The following LARGE1 variants were observed in gnomAD, a reference collection of about 807,000 sequenced individuals.
LARGE1 encodes the protein xylosyl- and glucuronyltransferase LARGE1.
A neutral mutation model predicts 87.6 loss-of-function variants in LARGE1; 43 were observed. That is an observed-to-expected ratio of 0.49 (90% CI 0.38 to 0.63). The LOEUF is 0.63. Ranked by LOEUF, LARGE1 falls within the 30% of genes least tolerant of loss-of-function variation. The pLI, the probability that LARGE1 is intolerant of heterozygous loss-of-function variation, is 0.00. For missense variants in LARGE1, 802 were observed against 1,000.2 expected (o/e 0.80, Z 2.67); for synonymous variants, 434 against 394.6 (o/e 1.10, Z -1.18).
chr22:33,372,474 C>T (rs1188295557), intron 9 of LARGE1, among the ~76,000 whole-genome samples: 1 of 152,096 alleles, frequency 6.6e-6, no homozygotes, highest in Non-Finnish European at 1.5e-5. Context: ...GGAGGCCTCA[C>T]AATCAAGGTG....
At chr22:33,289,534 C>A (rs1342426119) in intron 12 of LARGE1, among the ~76,000 whole-genome samples, 1 of 152,194 alleles carries the variant, frequency 6.6e-6, no homozygotes, top group African/African-American at 2.4e-5. Flanking sequence ...AAGTCCCCTT[C>A]CCCTGTCACA....
chr22:33,223,869 T>C (rs1465756822), intron 11 of LARGE1, among the ~76,000 whole-genome samples: 1 of 152,186 alleles, frequency 6.6e-6, no homozygotes. Flanking sequence ...GTTTTTGCTA[T>C]AGGACAGTCA....
chr22:33,443,985 G>T (rs2067592603), intron 6 of LARGE1, among the ~76,000 whole-genome samples: 2 of 152,220 alleles, frequency 1.3e-5, no homozygotes, highest in South Asian at 2.1e-4. Flanking sequence ...TTAAAAAACA[G>T]AATTTGTTGG....
intron 7 of LARGE1, among the ~76,000 whole-genome samples, chr22:33,397,954 C>T (rs919528546): frequency 5.9e-5 from 9 of 152,122 alleles, no homozygotes; most frequent in Admixed American, 1.3e-4. Flanking sequence ...CTTTTGGGAA[C>T]TGCCTGTTCT....
intron 11 of LARGE1, among the ~76,000 whole-genome samples, chr22:33,309,516 G>A (rs1047831595): frequency 2.6e-5 from 4 of 152,138 alleles, no homozygotes; most frequent in African/African-American, 9.7e-5. Flanking sequence ...CTTCCACCAC[G>A]TGAGGACACA....
At chr22:33,095,795 G>A in the LARGE1 span, among the ~76,000 whole-genome samples, 4 of 152,286 alleles carry the variant, frequency 2.6e-5, no homozygotes, top group African/African-American at 4.8e-5. Flanking sequence ...TTTCCTCCCC[G>A]TAATGTGCCT....
chr22:33,101,087 C>T, the LARGE1 span, among the ~76,000 whole-genome samples: 4 of 152,114 alleles, frequency 2.6e-5, no homozygotes, highest in South Asian at 2.1e-4. Context: ...TGAGGTGATC[C>T]GCCTGCCTCA....
At chr22:33,714,001 C>A (rs1326456175) in intron 2 of LARGE1, among the ~76,000 whole-genome samples, 2 of 151,590 alleles carry the variant, frequency 1.3e-5, no homozygotes, top group Non-Finnish European at 2.9e-5. Context: ...CATAACATAA[C>A]ATAACATAAC....
Position 33,316,081 on chromosome 22 carries a change from A to G in LARGE1, c.1451+4T>C. On this transcript the variant is annotated splice_donor_region_variant and intron_variant, in intron 11 of 14. Coordinates refer to ENST00000397394, the MANE Select transcript of LARGE1 (RefSeq NM_133642.5). ...ACTGGGGTGGGTGAGGCCGTCTGCC[A>G]TACCTGTCCATGGACAGCTGAGCGA... is the stretch of plus-strand genomic sequence containing the variant. 1 of 1,613,668 alleles carries G rather than the reference A, an allele frequency of 6.2e-7. No individual in the cohort carries two copies. Among genetic ancestry groups the G allele is most frequent in the Non-Finnish European group, 8.5e-7 (1 of 1,179,750 alleles).
At chr22:33,825,530 G>C (rs988980621) in intron 1 of LARGE1, among the ~76,000 whole-genome samples, 4 of 152,012 alleles carry the variant, frequency 2.6e-5, no homozygotes, top group African/African-American at 9.7e-5. Flanking sequence ...CATGGTGGCA[G>C]CAAGGAGAAA....
intron 1 of LARGE1, among the ~76,000 whole-genome samples, chr22:33,767,293 G>A (rs2145784852): frequency 6.6e-6 from 1 of 151,800 alleles, no homozygotes; most frequent in Non-Finnish European, 1.5e-5. Context: ...CTGCACTCCA[G>A]CCTGGGCGAC....
chr22:33,073,840 A>G, the LARGE1 span, among the ~76,000 whole-genome samples: 4 of 152,140 alleles, frequency 2.6e-5, no homozygotes, highest in African/African-American at 7.2e-5. Context: ...CCTCCTTCAC[A>G]TGTATGTTTG....
intron 6 of LARGE1, among the ~76,000 whole-genome samples, chr22:33,518,546 T>A (rs1343968746): frequency 3.3e-5 from 5 of 152,194 alleles, no homozygotes; most frequent in African/African-American, 1.2e-4. Context: ...TGACCTCAGG[T>A]GTTGCGCTGG....
At chr22:33,901,235 G>T (rs563622243) in intron 1 of LARGE1, among the ~76,000 whole-genome samples, 2 of 152,252 alleles carry the variant, frequency 1.3e-5, no homozygotes, top group South Asian at 4.2e-4. Flanking sequence ...AGAGCCACTG[G>T]AGAGGGAGTG....
chr22:33,691,533 CT>C (rs1207353523), intron 2 of LARGE1, among the ~76,000 whole-genome samples: 8 of 152,084 alleles, frequency 5.3e-5, no homozygotes, highest in African/African-American at 1.7e-4. Context: ...AATATGGCTC[CT>C]CATGGGGCAG....
chr22:33,097,338 T>G, the LARGE1 span, among the ~76,000 whole-genome samples: 1 of 152,230 alleles, frequency 6.6e-6, no homozygotes, highest in African/African-American at 2.4e-5. Context: ...ATGGCAGAAT[T>G]ATCAGACATC....
At chr22:33,922,181 G>C (rs977786564), upstream of LARGE1, among the ~76,000 whole-genome samples, 1 of 152,018 alleles carries the variant, frequency 6.6e-6, no homozygotes, top group Non-Finnish European at 1.5e-5. Flanking sequence ...TCTTGGAAGG[G>C]GCAGGGGAAG....
At chr22:33,412,139 C>T (rs2066326684) in intron 7 of LARGE1, among the ~76,000 whole-genome samples, 1 of 152,120 alleles carries the variant, frequency 6.6e-6, no homozygotes, top group South Asian at 2.1e-4. Context: ...CAAAAATTAG[C>T]CAGGCGTGGT....
intron 1 of LARGE1, among the ~76,000 whole-genome samples, chr22:33,820,896 AC>A (rs2086796446): frequency 1.3e-5 from 2 of 151,450 alleles, no homozygotes; most frequent in African/African-American, 4.9e-5. Context: ...TAAGTGCACC[AC>A]CCCCTCTTCT....
Sources: allele counts gnomAD v4.1 joint callset (sites outside exome capture counted in the v4.1 genomes callset), GRCh38; gene constraint gnomAD v4.1.1; transcripts MANE v1.5; gene names NCBI Gene and HGNC (gene_info 2026-07-23, HGNC 2026-07-21).